Variants in SARDH observed in about 807,000 individuals in gnomAD.
SARDH encodes the protein sarcosine dehydrogenase.
In SARDH, 95 loss-of-function variants were observed where a neutral mutation model predicts 109.1. The observed-to-expected ratio is 0.87, with a 90% CI of 0.74 to 1.03. The LOEUF (loss-of-function observed/expected upper bound fraction) is 1.03. SARDH is among the 50% of genes least tolerant of loss of function. The pLI is 0.00. For synonymous variants in SARDH, 572 were observed against 534.8 expected (o/e 1.07, Z -0.96); for missense variants, 1,267 against 1,287.8 (o/e 0.98, Z 0.25).
At chr9:133,722,133 C>CAAAACAAAAG (rs1832346001) in intron 6 of SARDH, among the ~76,000 whole-genome samples, 2 of 151,420 alleles carry the variant, frequency 1.3e-5, no homozygotes, top group Admixed American at 6.6e-5. Context: ...CAAAACAAAA[C>CAAAACAAAAG]AAAACAAAAC....
At chr9:133,721,061 T>C (rs1832308329) in intron 6 of SARDH, among the ~76,000 whole-genome samples, 1 of 152,226 alleles carries the variant, frequency 6.6e-6, no homozygotes, top group Non-Finnish European at 1.5e-5. Context: ...ACATCCATTT[T>C]ACAGCGGTTC....
chr9:133,712,810 A>G lies in SARDH; in HGVS notation c.1238-101T>C. 8.5e-7 allele frequency: 1 copy of G among 1,175,450 alleles called. No individual in the cohort carries two copies. The highest frequency in any genetic ancestry group is 1.2e-6 in the Non-Finnish European group (1 of 818,748). The allele number at this position is 1,175,450 out of a possible 1,614,324, so 72.8% of individuals were successfully genotyped here. On this transcript the variant is annotated intron_variant, in intron 9 of 20. Transcript: ENST00000439388. The surrounding 1 kb of genome is among the most constrained non-coding windows in gnomAD (Gnocchi z 4.1). ...CTCCACGGACAGCACAGACACTCCAAGCTCTGCTCTCACACCTGGGGTGCT... is the reference window on the plus strand; with the variant it reads ...CTCCACGGACAGCACAGACACTCCAGGCTCTGCTCTCACACCTGGGGTGCT...
intron 13 of SARDH, among the ~76,000 whole-genome samples, chr9:133,698,387 C>T (rs1831365140): frequency 6.6e-6 from 1 of 152,176 alleles, no homozygotes; most frequent in South Asian, 2.1e-4. Flanking sequence ...TCAAAATTCT[C>T]AGCTGGTTTC....
upstream of SARDH, chr9:133,738,384 G>A (rs1832954201): frequency 6.6e-6 from 1 of 151,764 alleles, no homozygotes; most frequent in African/African-American, 2.4e-5. Flanking sequence ...CTCGCTGCCA[G>A]CCCCATGTCT....
At chr9:133,701,739 G>A (rs931085004) in intron 13 of SARDH, among the ~76,000 whole-genome samples, 1 of 152,144 alleles carries the variant, frequency 6.6e-6, no homozygotes, top group Non-Finnish European at 1.5e-5. Context: ...TGACACACAC[G>A]CCTCCTCCTT....
At chr9:133,672,627 C>T (rs1027457426) in intron 17 of SARDH, among the ~76,000 whole-genome samples, 3 of 152,230 alleles carry the variant, frequency 2.0e-5, no homozygotes, top group Admixed American at 6.5e-5. Context: ...CCGAGGAGCC[C>T]GTCACCCACC....
chr9:133,703,353 T>G (rs1831564078), intron 12 of SARDH: 1 of 370,120 alleles, frequency 2.7e-6, no homozygotes, highest in South Asian at 3.6e-5. Context: ...CCAGGGCTGC[T>G]CCCTGGAGCC....
intron 6 of SARDH, among the ~76,000 whole-genome samples, chr9:133,727,755 C>A (rs971527499): frequency 6.6e-6 from 1 of 152,200 alleles, no homozygotes; most frequent in African/African-American, 2.4e-5. Flanking sequence ...TCTGGACTGG[C>A]TTTGTAAGTA....
Position 133,666,998 on chromosome 9 carries a change from G to T in SARDH, c.2496-128C>A. 2 of 1,303,216 alleles carry T rather than the reference G, an allele frequency of 1.5e-6. No homozygotes were observed. The highest frequency in any genetic ancestry group is 1.3e-5 in the South Asian group (1 of 78,694). The allele number at this position is 1,303,216 out of a possible 1,614,324, so 80.7% of individuals were successfully genotyped here. ...ACCGTGGCTCCAGGCAGATAGGGCT[G>T]GCCTACTAGGACTACGCTGGTCCCC... is the stretch of plus-strand genomic sequence containing the variant. On this transcript the variant is annotated intron_variant, in intron 19 of 20. Transcript: ENST00000439388. The surrounding 1 kb of genome is among the most constrained non-coding windows in gnomAD (Gnocchi z 5.2).
intron 11 of SARDH, among the ~76,000 whole-genome samples, chr9:133,706,247 C>T (rs56169426): frequency 0.23 from 35,009 of 151,934 alleles, 4,308 homozygotes; most frequent in East Asian, 0.39. Context: ...AAAGCATGGT[C>T]TGCATACACC....
chr9:133,694,282 A>C lies in SARDH; in HGVS notation c.1897T>G (p.Ser633Ala). 1 of 1,549,804 alleles carries C rather than the reference A, an allele frequency of 6.5e-7. No individual in the cohort carries two copies. Among genetic ancestry groups the C allele is most frequent in the Non-Finnish European group, 8.7e-7 (1 of 1,146,320 alleles). The change falls in exon 15 of 21, where the codon TCC becomes GCC. Residue 633 changes from serine (S) to alanine (A), a missense_variant. By Grantham distance (99) the Ser-to-Ala change is moderately conservative. Coordinates refer to ENST00000439388, the MANE Select transcript of SARDH (RefSeq NM_001134707.2). ...CCTTCAAAGGCGGGGGCCAGCGGGG[A>C]GGCCTGGTGGCTGGGTGCCAGGCGG... ...VSRLAPSHQA[S>A]PLAPAFEGDG...
chr9:133,730,237 T>G (rs1832630638), intron 4 of SARDH, 50 bp from the exon 5 acceptor site: 1 of 1,602,322 alleles, frequency 6.2e-7, no homozygotes, highest in Non-Finnish European at 8.5e-7. Flanking sequence ...TCCCCGGGGG[T>G]GCTTCCCACC....
intron 10 of SARDH, among the ~76,000 whole-genome samples, chr9:133,711,630 GTCC>G (rs2131444654): frequency 6.6e-6 from 1 of 152,290 alleles, no homozygotes; most frequent in South Asian, 2.1e-4. Context: ...TGGGCGTAAT[GTCC>G]TCATCAGGCC....
intron 19 of SARDH, among the ~76,000 whole-genome samples, chr9:133,669,925 T>C (rs1830276768): frequency 6.6e-6 from 1 of 152,210 alleles, no homozygotes; most frequent in African/African-American, 2.4e-5. Context: ...TGGGCTTGGC[T>C]GCACCTTTCT....
chr9:133,703,929 G>T (rs1299818652), intron 12 of SARDH, among the ~76,000 whole-genome samples: 1 of 152,162 alleles, frequency 6.6e-6, no homozygotes, highest in Non-Finnish European at 1.5e-5. Flanking sequence ...CCGGGTGGGG[G>T]TGCAAAATCC....
In SARDH at chr9:133,712,992, C is replaced by T. The variant is rs1831984387; in HGVS notation, c.1237+46G>A. 1.9e-6 allele frequency: 3 copies of T among 1,554,864 alleles called. No homozygotes were observed. Among genetic ancestry groups the T allele is most frequent in the African/African-American group, 2.7e-5 (2 of 74,000 alleles). On this transcript the variant is annotated intron_variant, in intron 9 of 20. Transcript: ENST00000439388. The surrounding 1 kb of genome is among the most constrained non-coding windows in gnomAD (Gnocchi z 4.1). Reference sequence around the variant, plus strand: ...GCCTCCCCCAGAGCTCTGGGAATGACAGGACCTCCCTCTTGGGGGCCAGGA... The same window carrying T: ...GCCTCCCCCAGAGCTCTGGGAATGATAGGACCTCCCTCTTGGGGGCCAGGA...
chr9:133,727,200 T>G (rs1199820234), intron 6 of SARDH, among the ~76,000 whole-genome samples: 2 of 152,132 alleles, frequency 1.3e-5, no homozygotes, highest in African/African-American at 4.8e-5. Context: ...AAGGAAGCTG[T>G]GGGCAGAGCT....
At chr9:133,722,588 TAAC>T (rs2131478457) in intron 6 of SARDH, among the ~76,000 whole-genome samples, 1 of 152,084 alleles carries the variant, frequency 6.6e-6, no homozygotes, top group South Asian at 2.1e-4. Context: ...TATTTGCAGA[TAAC>T]AAGGTCTTGT....
chr9:133,704,813 A>G lies in SARDH; in HGVS notation c.1554+135T>C, dbSNP rs1488154944. On this transcript the variant is annotated intron_variant, in intron 12 of 20. Coordinates refer to ENST00000439388, the MANE Select transcript of SARDH (RefSeq NM_001134707.2). This position sits in a 1 kb window ranked among gnomAD's most constrained non-coding sequence, Gnocchi z 4.5. ...CGGCAGGGCTCGGCTTCCCGTGTGC[A>G]GAATAACTGATCACGACAGTGGAAC... 6 of 719,720 alleles carry G rather than the reference A, an allele frequency of 8.3e-6. No homozygotes were observed. The highest frequency in any genetic ancestry group is 1.2e-5 in the Non-Finnish European group (5 of 421,298). 44.6% of individuals were successfully genotyped at this position (719,720 alleles called of 1,614,324 possible).
Sources: gnomAD v4.1 joint callset for allele counts (sites outside exome capture counted in the v4.1 genomes callset) on GRCh38, gnomAD v4.1.1 for gene constraint, Gnocchi (gnomAD v3.1) non-coding constraint, MANE v1.5 for transcripts, NCBI Gene and HGNC (gene_info 2026-07-23, HGNC 2026-07-21) for gene names.